The following NME7 variants were observed in gnomAD, a reference collection of about 807,000 sequenced individuals.
The protein encoded by NME7 is nucleoside diphosphate kinase 7.
Under a neutral mutation model 49.1 loss-of-function variants are expected in NME7, and 41 were observed. The observed-to-expected ratio is 0.83, with a 90% CI of 0.65 to 1.08. The LOEUF (loss-of-function observed/expected upper bound fraction) is 1.08, where lower values mean the gene tolerates loss of function less well. Ranked by LOEUF, NME7 falls within the 50% of genes least tolerant of loss-of-function variation. The probability of loss-of-function intolerance (pLI) is 0.00; values close to 1 mark genes in which losing one functional copy is unlikely to be tolerated. For missense variants in NME7, 423 were observed against 463.4 expected, an observed-to-expected ratio of 0.91 and a Z score of 0.80; for synonymous variants, 139 against 150.6, an observed-to-expected ratio of 0.92 and a Z score of 0.56.
intron 4 of NME7, among the ~76,000 whole-genome samples, chr1:169,306,381 T>G (rs1489519711): frequency 1.3e-5 from 2 of 152,036 alleles, no homozygotes; most frequent in African/African-American, 4.8e-5. Flanking sequence ...CATCAAGGAA[T>G]AGAAGGTAGT....
chr1:169,134,848 ATGGT>A (rs1658377623), intron 11 of NME7, among the ~76,000 whole-genome samples: 1 of 151,846 alleles, frequency 6.6e-6, no homozygotes, highest in Admixed American at 6.6e-5. Context: ...GAAGTGATAA[ATGGT>A]TGGCTAAAAT....
intron 11 of NME7, among the ~76,000 whole-genome samples, chr1:169,137,007 T>G (rs1308534505): frequency 1.3e-5 from 2 of 152,264 alleles, no homozygotes; most frequent in African/African-American, 4.8e-5. Context: ...GTTGTGGAAT[T>G]CCAGCACCAA....
chr1:169,253,032 C>G (rs1010738802), intron 7 of NME7, among the ~76,000 whole-genome samples: 10 of 150,914 alleles, frequency 6.6e-5, no homozygotes, highest in East Asian at 1.9e-4. Flanking sequence ...TTAGGATTGA[C>G]TTGGCGATGC....
chr1:169,183,558 T>G (rs922187990), intron 10 of NME7, among the ~76,000 whole-genome samples: 15 of 152,116 alleles, frequency 9.9e-5, no homozygotes, highest in African/African-American at 3.6e-4. Context: ...TCCCAGCACT[T>G]TGGGAGGCTG....
At chr1:169,305,457 A>C (rs1291899846) in intron 4 of NME7, among the ~76,000 whole-genome samples, 1 of 152,268 alleles carries the variant, frequency 6.6e-6, no homozygotes, top group Non-Finnish European at 1.5e-5. Flanking sequence ...ACATTTGAAC[A>C]AACAATTTTA....
At chr1:169,174,512 A>T (rs1274148195) in intron 10 of NME7, among the ~76,000 whole-genome samples, 1 of 152,224 alleles carries the variant, frequency 6.6e-6, no homozygotes, top group East Asian at 1.9e-4. Flanking sequence ...GCTTAACAAC[A>T]GAGATATAGT....
At chr1:169,165,152 AT>A (rs1659373139) in intron 11 of NME7, among the ~76,000 whole-genome samples, 1 of 152,170 alleles carries the variant, frequency 6.6e-6, no homozygotes, top group Non-Finnish European at 1.5e-5. Context: ...ACAATTAGCA[AT>A]ATTCAAAGAA....
At position 169,272,989 on chromosome 1, in the gene NME7, C is replaced by T. The variant is rs548811497; in HGVS notation, c.754+14314G>A. ...TCTTGACTTTTCAATGATCACCATT[C>T]GAACTGGCGTGAGATGGTATCTCAT... On this transcript the variant is annotated intron_variant, in intron 7 of 11. Transcript: ENST00000367811. Among the ~76,000 whole-genome samples the T allele has an allele frequency of 7.5e-5, 10 of 133,798 alleles. 2 individuals carry two copies. The highest frequency in any genetic ancestry group is 2.5e-4 in the African/African-American group (10 of 39,622). 87.8% of individuals were successfully genotyped at this position (133,798 alleles called of 152,430 possible). A position where few individuals can be genotyped will look rare whatever the true frequency, so the allele number is the denominator to read the frequency against.
chr1:169,148,867 T>C (rs1216807058), intron 11 of NME7, among the ~76,000 whole-genome samples: 1 of 152,248 alleles, frequency 6.6e-6, no homozygotes, highest in East Asian at 1.9e-4. Context: ...CCTTACTTGA[T>C]ATGTGGATCA....
At chr1:169,233,552 A>G (rs1647733060) in intron 9 of NME7, among the ~76,000 whole-genome samples, 1 of 152,224 alleles carries the variant, frequency 6.6e-6, no homozygotes, top group African/African-American at 2.4e-5. Flanking sequence ...AATTTATTAC[A>G]GAATATATTT....
At chr1:169,304,569 AGG>A (rs1231880404) in intron 4 of NME7, among the ~76,000 whole-genome samples, 1 of 152,228 alleles carries the variant, frequency 6.6e-6, no homozygotes, top group Non-Finnish European at 1.5e-5. Flanking sequence ...AGACATGGAA[AGG>A]AGAAAAAAAT....
At chr1:169,251,420 T>C (rs1489024331) in intron 7 of NME7, among the ~76,000 whole-genome samples, 1 of 152,072 alleles carries the variant, frequency 6.6e-6, no homozygotes, top group African/African-American at 2.4e-5. Flanking sequence ...TTGTGATTTT[T>C]AAAATCCATT....
At chr1:169,248,355 T>A (rs892505910) in intron 7 of NME7, among the ~76,000 whole-genome samples, 1 of 152,252 alleles carries the variant, frequency 6.6e-6, no homozygotes, top group East Asian at 1.9e-4. Context: ...GTACTTGAGT[T>A]CATTGTAGAT....
At chr1:169,329,543 T>C (rs549491021) in intron 1 of NME7, among the ~76,000 whole-genome samples, 31 of 151,222 alleles carry the variant, frequency 2.0e-4, no homozygotes, top group Non-Finnish European at 3.7e-4. Flanking sequence ...AGCTGAAAAA[T>C]GCAAAAAGCG....
chr1:169,254,768 T>C (rs1297232389), intron 7 of NME7, among the ~76,000 whole-genome samples: 2 of 141,888 alleles, frequency 1.4e-5, no homozygotes, highest in East Asian at 5.3e-4. Flanking sequence ...GTTGTGTCTT[T>C]GTTCTCGTTG....
At chr1:169,224,565 T>C (rs562610745) in intron 10 of NME7, among the ~76,000 whole-genome samples, 15 of 152,176 alleles carry the variant, frequency 9.9e-5, no homozygotes, top group Non-Finnish European at 1.8e-4. Flanking sequence ...AGATCTGTAA[T>C]ATTTTACATA....
chr1:169,333,309 G>A (rs1652329576), intron 1 of NME7, among the ~76,000 whole-genome samples: 2 of 152,080 alleles, frequency 1.3e-5, no homozygotes, highest in African/African-American at 4.8e-5. Flanking sequence ...TCAGAAGTTG[G>A]GAAGAGTAGT....
chr1:169,220,572 T>C lies in NME7; in HGVS notation c.990+10146A>G, dbSNP rs78292488. On this transcript the variant is annotated intron_variant, in intron 10 of 11. Transcript: ENST00000367811. ...CTTCATTAAACACATGATCATTTTC[T>C]CCAGGATTATTTTGTAATCACTGAA... 6.8e-3 allele frequency among the ~76,000 whole-genome samples: 1,042 copies of C among 152,314 alleles called. 15 individuals are homozygous for C. The highest frequency in any genetic ancestry group is 0.024 in the African/African-American group (979 of 41,568).
At position 169,230,702 on chromosome 1, in the gene NME7, T is replaced by C. The variant is rs1647574623; in HGVS notation, c.990+16A>G. The C allele has an allele frequency of 6.4e-7, 1 of 1,557,504 alleles. No homozygotes were observed. Among genetic ancestry groups the C allele is most frequent in the Non-Finnish European group, 8.7e-7 (1 of 1,143,336 alleles). ...AGATAACACAAACTAGGATAATATTTTAAACAATAACTTACAGGATCAGCA... is the reference window on the plus strand; with the variant it reads ...AGATAACACAAACTAGGATAATATTCTAAACAATAACTTACAGGATCAGCA... On this transcript the variant is annotated intron_variant, in intron 10 of 11. Coordinates refer to ENST00000367811, the MANE Select transcript of NME7 (RefSeq NM_013330.5).
Sources: allele counts gnomAD v4.1 joint callset (sites outside exome capture counted in the v4.1 genomes callset), GRCh38; gene constraint gnomAD v4.1.1; transcripts MANE v1.5; gene names NCBI Gene and HGNC (gene_info 2026-07-23, HGNC 2026-07-21).